Variants in NLRP7 observed in about 807,000 individuals in gnomAD.
NLRP7 encodes the protein NACHT, LRR and PYD domains-containing protein 7.
In NLRP7, 72 loss-of-function variants were observed where a neutral mutation model predicts 85.5. The ratio of observed to expected loss-of-function variants is 0.84; its 90% CI spans 0.70 to 1.02. The LOEUF is 1.02. Among genes scored for constraint, NLRP7 ranks in the 50% least tolerant of loss-of-function variants. The pLI is 0.00. For missense variants in NLRP7, 1,243 were observed against 1,219.5 expected, an observed-to-expected ratio of 1.02 and a Z score of -0.29; for synonymous variants, 550 against 505.2, an observed-to-expected ratio of 1.09 and a Z score of -1.19.
At chr19:54,945,521 C>T (rs2069430846) in intron 1 of NLRP7, among the ~76,000 whole-genome samples, 1 of 151,988 alleles carries the variant, frequency 6.6e-6, no homozygotes, top group Non-Finnish European at 1.5e-5. Flanking sequence ...CTGCCCACCT[C>T]AGCCTCCCAA....
At chr19:54,956,239 T>C (rs73605964) in intron 1 of NLRP7, among the ~76,000 whole-genome samples, 7,603 of 152,214 alleles carry the variant, frequency 0.05, 251 homozygotes, top group African/African-American at 0.093. Flanking sequence ...CTTGTGGGAC[T>C]CAGCCCTGAA....
chr19:54,947,305 C>A (rs147735061), intron 1 of NLRP7, among the ~76,000 whole-genome samples, 164 bp downstream of exon 1: 11,910 of 150,982 alleles, frequency 0.079, 567 homozygotes, highest in African/African-American at 0.13. Context: ...CCAGCCTGGG[C>A]GACAGAGGGA....
chr19:54,962,522 C>T (rs189276362), intron 1 of NLRP7, among the ~76,000 whole-genome samples: 264 of 151,546 alleles, frequency 1.7e-3, no homozygotes, highest in African/African-American at 5.5e-3. Context: ...CCACCCGCCT[C>T]GGCCTCCCAA....
At chr19:54,923,862 A>G (rs780657669) in exon 10 of NLRP7, 2 of 1,613,830 alleles carry the variant, frequency 1.2e-6, no homozygotes, top group South Asian at 2.2e-5. Flanking sequence ...TTAGTTTCAT[A>G]GGTCTTCAAC....
chr19:54,963,838 C>A (rs1268614498), intron 1 of NLRP7, among the ~76,000 whole-genome samples: 3 of 148,610 alleles, frequency 2.0e-5, no homozygotes, highest in African/African-American at 7.4e-5. Flanking sequence ...AAAAAAAAAG[C>A]AAAACAAACA....
exon 4 of NLRP7, chr19:54,939,219 A>G (rs747068820): frequency 1.9e-6 from 3 of 1,614,076 alleles, no homozygotes; most frequent in South Asian, 2.2e-5. Context: ...GTGGCCTCCA[A>G]CTCCTTGGCT....
chr19:54,938,140 T>C, exon 5 of NLRP7: 1 of 1,614,026 alleles, frequency 6.2e-7, no homozygotes, highest in Non-Finnish European at 8.5e-7. Context: ...TTCCAGAAAC[T>C]TGAGGTTGCT....
At chr19:54,935,043 T>C (rs1256713232) in intron 6 of NLRP7, among the ~76,000 whole-genome samples, 1 of 152,062 alleles carries the variant, frequency 6.6e-6, no homozygotes, top group Non-Finnish European at 1.5e-5. Context: ...ATGTCTTTGG[T>C]TTATCTCATT....
exon 6 of NLRP7, chr19:54,936,416 G>T: frequency 6.2e-7 from 1 of 1,614,042 alleles, no homozygotes; most frequent in Non-Finnish European, 8.5e-7. Context: ...CGGTGTCAGG[G>T]GTGACGTTTT....
intron 1 of NLRP7, among the ~76,000 whole-genome samples, chr19:54,944,637 A>G (rs1327219537): frequency 1.3e-5 from 2 of 152,056 alleles, no homozygotes; most frequent in African/African-American, 4.8e-5. Flanking sequence ...AAACACCCAC[A>G]GGTGTGGAGG....
upstream of NLRP7, among the ~76,000 whole-genome samples, chr19:54,951,467 C>T (rs995567745): frequency 2.0e-5 from 3 of 151,860 alleles, no homozygotes; most frequent in African/African-American, 7.3e-5. Context: ...TTGTTTGAAC[C>T]CGGGAGGCAG....
At chr19:54,957,470 G>A (rs550673185) in intron 1 of NLRP7, among the ~76,000 whole-genome samples, 123 of 149,304 alleles carry the variant, frequency 8.2e-4, no homozygotes, top group Middle Eastern at 3.8e-3. Context: ...CTCAGCCTCC[G>A]GAGTAGCTGG....
At chr19:54,946,127 G>A (rs930970641) in intron 1 of NLRP7, among the ~76,000 whole-genome samples, 12 of 149,052 alleles carry the variant, frequency 8.1e-5, no homozygotes, top group Admixed American at 6.7e-5. Context: ...GGCTGGCCTC[G>A]AACTCCTGAC....
At chr19:54,941,338 C>T in intron 2 of NLRP7, 97 bp downstream of exon 2, 1 of 919,588 alleles carries the variant, frequency 1.1e-6, no homozygotes, top group South Asian at 1.4e-5. Flanking sequence ...CACTGCACTC[C>T]AGCCTTACAC....
rs1157095869 is a variant in NLRP7 at position 54,934,977 on chromosome 19, G to A, written c.2301-318C>T. 6.6e-6 allele frequency among the ~76,000 whole-genome samples: 1 copy of A among 152,022 alleles called. No individual in the cohort carries two copies. Among genetic ancestry groups the A allele is most frequent in the Non-Finnish European group, 1.5e-5 (1 of 67,994 alleles). On this transcript the variant is annotated intron_variant, in intron 6 of 9. Transcript: ENST00000340844. The surrounding 1 kb of genome is among the most constrained non-coding windows in gnomAD (Gnocchi z 6.7). ...CTACCGAAGTACTGGGATTACAGGT[G>A]TGAGCCACCGCGCCTGGCCCAGATC...
intron 9 of NLRP7, among the ~76,000 whole-genome samples, chr19:54,929,984 G>A (rs188999015): frequency 1.5e-3 from 228 of 151,480 alleles, no homozygotes; most frequent in African/African-American, 5.2e-3. Flanking sequence ...GCACGGTGGC[G>A]GGCATCTGTA....
At chr19:54,927,954 G>A (rs570975902) in intron 9 of NLRP7, among the ~76,000 whole-genome samples, 179 bp from the exon 10 acceptor site, 6 of 152,238 alleles carry the variant, frequency 3.9e-5, no homozygotes, top group Non-Finnish European at 5.9e-5. Flanking sequence ...TAGGCAGGGC[G>A]TGGGGACAGA....
chr19:54,926,987 G>C (rs1223685235), intron 9 of NLRP7, among the ~76,000 whole-genome samples: 1 of 151,646 alleles, frequency 6.6e-6, no homozygotes, highest in Non-Finnish European at 1.5e-5. Context: ...CTACTCAGGA[G>C]GTTGAGGCAG....
intron 5 of NLRP7, 36 bp downstream of exon 5, chr19:54,938,008 T>C: frequency 9.2e-6 from 14 of 1,522,372 alleles, no homozygotes; most frequent in Non-Finnish European, 1.3e-5. Context: ...TTAGTCATCG[T>C]TCAGGGTCTT....
Sources: gnomAD v4.1 joint callset for allele counts (sites outside exome capture counted in the v4.1 genomes callset) on GRCh38, gnomAD v4.1.1 for gene constraint, Gnocchi (gnomAD v3.1) non-coding constraint, MANE v1.5 for transcripts, NCBI Gene and HGNC (gene_info 2026-07-23, HGNC 2026-07-21) for gene names.